PRKG2: variants seen among roughly 807,000 people sequenced by gnomAD.
PRKG2 encodes the protein cGMP-dependent protein kinase 2.
PRKG2 carries 33 observed loss-of-function variants against 97.2 expected under a neutral mutation model. That is an observed-to-expected ratio of 0.34 (90% CI 0.26 to 0.45). The LOEUF (loss-of-function observed/expected upper bound fraction) is 0.45, where lower values mean the gene tolerates loss of function less well. Ranked by LOEUF, PRKG2 falls within the 20% of genes least tolerant of loss-of-function variation. The pLI is 1.00. For missense variants in PRKG2, 638 were observed against 900.0 expected (o/e 0.71, Z 3.73); for synonymous variants, 330 against 321.8 (o/e 1.03, Z -0.27).
intron 10 of PRKG2, among the ~76,000 whole-genome samples, chr4:81,143,561 T>G (rs1024219312): frequency 1.3e-5 from 2 of 152,214 alleles, no homozygotes; most frequent in African/African-American, 4.8e-5. Context: ...TACATATTCA[T>G]AAATTATTAC....
At chr4:81,197,552 C>A (rs1309836662) in intron 2 of PRKG2, among the ~76,000 whole-genome samples, 2 of 152,136 alleles carry the variant, frequency 1.3e-5, no homozygotes, top group Non-Finnish European at 2.9e-5. Context: ...TTTATAGAAG[C>A]CTTAGCCACT....
intron 8 of PRKG2, 72 bp from the exon 9 acceptor site, chr4:81,149,024 T>A (rs770768879): frequency 5.5e-6 from 8 of 1,441,892 alleles, no homozygotes; most frequent in Non-Finnish European, 7.8e-6. Context: ...TTAGGGAATG[T>A]ACTAACTTTG....
chr4:81,160,355 A>G lies in PRKG2; in HGVS notation c.913-6634T>C, dbSNP rs114282438. Among the ~76,000 whole-genome samples, 1,510 of 152,188 alleles carry G rather than the reference A, an allele frequency of 9.9e-3. 26 individuals are homozygous for G. The highest frequency in any genetic ancestry group is 0.034 in the African/African-American group (1,411 of 41,522). On this transcript the variant is annotated intron_variant, in intron 6 of 18. Coordinates refer to ENST00000264399, the MANE Select transcript of PRKG2 (RefSeq NM_006259.3). ...ATCTGCACTTATGTTTTCTTCTTTC[A>G]CAGAGTAAATTCACCTGGAATACTG... is the stretch of plus-strand genomic sequence containing the variant.
chr4:81,179,144 A>C (rs990930838), intron 2 of PRKG2, among the ~76,000 whole-genome samples: 1 of 151,988 alleles, frequency 6.6e-6, no homozygotes, highest in African/African-American at 2.4e-5. Context: ...CAAAAAAAAA[A>C]AGAAAAGAAA....
In PRKG2 at chr4:81,122,269, G is replaced by C. The variant is rs555276873; in HGVS notation, c.1777-11658C>G. ...ATTCATTCACTACAACCAGAAGAAA[G>C]GTTCTTAACCTTCATCAGCTCTTCT... On this transcript the variant is annotated intron_variant, in intron 14 of 18. Transcript: ENST00000264399. Among the ~76,000 whole-genome samples the C allele has an allele frequency of 3.1e-3, 476 of 152,184 alleles. 2 individuals are homozygous for C. The highest frequency in any genetic ancestry group is 0.021 in the South Asian group (100 of 4,822).
chr4:81,167,031 C>G (rs562379582), intron 6 of PRKG2, 130 bp downstream of exon 6: 1 of 629,738 alleles, frequency 1.6e-6, no homozygotes, highest in Non-Finnish European at 2.6e-6. Flanking sequence ...AGATTTTTCA[C>G]CATAGAAAAA....
At chr4:81,176,219 C>T (rs1367624738) in intron 2 of PRKG2, among the ~76,000 whole-genome samples, 1 of 152,060 alleles carries the variant, frequency 6.6e-6, no homozygotes, top group Non-Finnish European at 1.5e-5. Flanking sequence ...TAAATCGTAT[C>T]AATTTGTTTT....
intron 15 of PRKG2, among the ~76,000 whole-genome samples, chr4:81,107,378 A>G (rs1015367801): frequency 1.3e-5 from 2 of 152,196 alleles, no homozygotes; most frequent in Admixed American, 6.5e-5. Context: ...ATAGAGGTCA[A>G]GAACTGAATT....
chr4:81,214,915 C>T (rs1357681975), intron 1 of PRKG2, 21 bp downstream of exon 1: 1 of 152,440 alleles, frequency 6.6e-6, no homozygotes, highest in Admixed American at 6.5e-5. Flanking sequence ...GCGCCCAAGA[C>T]CCCCGGCCCA....
At chr4:81,190,780 G>C (rs1020141823) in intron 2 of PRKG2, among the ~76,000 whole-genome samples, 1 of 152,086 alleles carries the variant, frequency 6.6e-6, no homozygotes, top group African/African-American at 2.4e-5. Context: ...TGAAGAATAT[G>C]AATAGACACT....
intron 3 of PRKG2, among the ~76,000 whole-genome samples, chr4:81,173,240 C>T (rs1458701385): frequency 1.3e-5 from 2 of 152,146 alleles, no homozygotes; most frequent in Non-Finnish European, 2.9e-5. Context: ...CAATTCAGTC[C>T]TTGGGTGACA....
At chr4:81,169,038 G>A (rs1202871012) in intron 5 of PRKG2, among the ~76,000 whole-genome samples, 1 of 151,918 alleles carries the variant, frequency 6.6e-6, no homozygotes, top group Non-Finnish European at 1.5e-5. Flanking sequence ...GTTTTAATGT[G>A]AGACTAGTTT....
chr4:81,092,314 C>CAT lies in PRKG2; in HGVS notation c.2193+71_2193+72insAT, dbSNP rs1039146619. ...AATCTGTTATGGGCATATACATACACACATCTAAAATCTGTGTACAAAAAC... is the reference window on the plus strand; with the variant it reads ...AATCTGTTATGGGCATATACATACACATACATCTAAAATCTGTGTACAAAAAC... On this transcript the variant is annotated intron_variant, in intron 18 of 18. Transcript: ENST00000264399. The CAT allele has an allele frequency of 5.4e-5, 55 of 1,018,346 alleles. No individual in the cohort carries two copies. In the African/African-American group the frequency reaches 6.8e-4, roughly 13 times the overall value. 63.1% of individuals were successfully genotyped at this position (1,018,346 alleles called of 1,614,324 possible). A position where few individuals can be genotyped will look rare whatever the true frequency, so the allele number is the denominator to read the frequency against.
chr4:81,114,596 T>A (rs570042994), intron 14 of PRKG2, among the ~76,000 whole-genome samples: 78 of 152,326 alleles, frequency 5.1e-4, no homozygotes, highest in African/African-American at 1.8e-3. Flanking sequence ...TGGTTTGAGT[T>A]GGTGATTATT....
At chr4:81,149,994 C>T (rs1748223989) in intron 8 of PRKG2, among the ~76,000 whole-genome samples, 1 of 152,130 alleles carries the variant, frequency 6.6e-6, no homozygotes, top group South Asian at 2.1e-4. Flanking sequence ...TTTACAGGGT[C>T]CTTGTTAGAA....
intron 14 of PRKG2, among the ~76,000 whole-genome samples, chr4:81,134,598 G>A (rs979660363): frequency 6.6e-6 from 1 of 152,118 alleles, no homozygotes; most frequent in African/African-American, 2.4e-5. Flanking sequence ...AGCATGCAAA[G>A]GAGTCATATT....
chr4:81,093,434 C>T (rs1011885238), intron 17 of PRKG2, among the ~76,000 whole-genome samples: 20 of 151,196 alleles, frequency 1.3e-4, no homozygotes, highest in African/African-American at 4.9e-4. Flanking sequence ...CCTACTTTAT[C>T]TTACCCCCTT....
upstream of PRKG2, among the ~76,000 whole-genome samples, chr4:81,217,031 GTA>G (rs35897460): frequency 0.011 from 1,276 of 115,208 alleles, 26 homozygotes; most frequent in South Asian, 0.016. Context: ...TATATATTTT[GTA>G]TATATATATA....
chr4:81,143,046 G>A, intron 10 of PRKG2, 99 bp from the exon 11 acceptor site: 1 of 1,381,524 alleles, frequency 7.2e-7, no homozygotes, highest in East Asian at 2.3e-5. Flanking sequence ...AATTTCTGCT[G>A]TAACTATGAT....
Sources: allele counts gnomAD v4.1 joint callset (sites outside exome capture counted in the v4.1 genomes callset), GRCh38; gene constraint gnomAD v4.1.1; transcripts MANE v1.5; gene names NCBI Gene and HGNC (gene_info 2026-07-23, HGNC 2026-07-21).